Variants in TENM3 observed in about 807,000 individuals in gnomAD.
TENM3 encodes the protein teneurin-3.
A neutral mutation model predicts 255.1 loss-of-function variants in TENM3; 63 were observed. The observed-to-expected ratio is 0.25, with a 90% confidence interval of 0.20 to 0.30. TENM3 has a LOEUF of 0.30. Among genes scored for constraint, TENM3 ranks in the 10% least tolerant of loss-of-function variants. TENM3 has a pLI of 1.00. For missense variants in TENM3, 2,929 were observed against 3,461.1 expected (o/e 0.85, Z 3.86); for synonymous variants, 1,306 against 1,322.3 (o/e 0.99, Z 0.27).
chr4:181,870,099 G>A, the TENM3 span, among the ~76,000 whole-genome samples: 3 of 151,996 alleles, frequency 2.0e-5, no homozygotes, highest in African/African-American at 7.2e-5. Flanking sequence ...TCTGCTTCTG[G>A]CTTCTTTCAT....
chr4:182,478,371 C>T (rs535463863), intron 3 of TENM3, among the ~76,000 whole-genome samples: 8 of 151,570 alleles, frequency 5.3e-5, no homozygotes, highest in African/African-American at 1.5e-4. Context: ...GGTTGATGTA[C>T]GGTACTTTGC....
At chr4:181,957,792 G>C in the TENM3 span, among the ~76,000 whole-genome samples, 1 of 152,116 alleles carries the variant, frequency 6.6e-6, no homozygotes, top group African/African-American at 2.4e-5. Flanking sequence ...AAAAATTTGG[G>C]TTTTGATAGA....
intron 1 of TENM3, among the ~76,000 whole-genome samples, chr4:182,313,498 A>G (rs1762569353): frequency 1.3e-5 from 2 of 151,620 alleles, no homozygotes; most frequent in African/African-American, 4.8e-5. Context: ...ATCCATTTTA[A>G]ATATATATAT....
the TENM3 span, among the ~76,000 whole-genome samples, chr4:181,758,509 G>C: frequency 3.9e-5 from 6 of 152,162 alleles, no homozygotes; most frequent in Non-Finnish European, 7.4e-5. Context: ...TTGCATAGAA[G>C]AATTGGAAGG....
intron 3 of TENM3, among the ~76,000 whole-genome samples, chr4:182,414,881 A>G (rs1359206998): frequency 6.6e-6 from 1 of 152,240 alleles, no homozygotes; most frequent in African/African-American, 2.4e-5. Context: ...AAAAAGGTAC[A>G]AAGTAGATAT....
chr4:182,787,713 C>G (rs1285907886), intron 24 of TENM3, among the ~76,000 whole-genome samples: 1 of 122,292 alleles, frequency 8.2e-6, no homozygotes, highest in African/African-American at 3.2e-5. Flanking sequence ...CCAGCCTGGG[C>G]GACAAGGGCA....
At chr4:182,267,685 C>T (rs1363950657) in intron 1 of TENM3, among the ~76,000 whole-genome samples, 1 of 149,300 alleles carries the variant, frequency 6.7e-6, no homozygotes, top group Non-Finnish European at 1.5e-5. Context: ...GAAATTCCTT[C>T]TGTGGAACAA....
chr4:181,949,886 C>T, the TENM3 span, among the ~76,000 whole-genome samples: 1 of 152,236 alleles, frequency 6.6e-6, no homozygotes, highest in East Asian at 1.9e-4. Flanking sequence ...TGTTGTTCCT[C>T]TCCCTCAAAT....
At chr4:182,544,720 T>C (rs146318994) in intron 3 of TENM3, among the ~76,000 whole-genome samples, 2,850 of 152,276 alleles carry the variant, frequency 0.019, 71 homozygotes, top group East Asian at 0.044. Flanking sequence ...CAGGAATTAA[T>C]GGAAAGAAGG....
chr4:182,792,890 C>T lies in TENM3; in HGVS notation c.6218C>T (p.Ala2073Val). Residue 2073 changes from alanine (A) to valine (V), a missense_variant, in exon 26 of 28, where the codon GCT (alanine) becomes GTT (valine). Physicochemically the swap from Ala to Val is moderately conservative, Grantham distance 64 (BLOSUM62 0). This residue lies in a region of TENM3 where 256 missense variants were observed against 389.3 expected (regional missense o/e 0.66). Transcript: ENST00000511685. The surrounding 1 kb of genome is among the most constrained non-coding windows in gnomAD (Gnocchi z 6.3). ...YYDINQIISTAVMTYTKHFDA... is the reference protein window; with the variant it reads ...YYDINQIISTVVMTYTKHFDA... ...GATATTAACCAGATCATTTCTACAG[C>T]TGTAATGACCTATACGAAGCACTTT... 3 of 1,613,822 alleles carry T rather than the reference C, an allele frequency of 1.9e-6. No homozygotes were observed. Among genetic ancestry groups the T allele is most frequent in the Non-Finnish European group, 2.5e-6 (3 of 1,179,796 alleles).
chr4:182,608,862 C>T (rs1378428288), intron 4 of TENM3, among the ~76,000 whole-genome samples: 1 of 152,192 alleles, frequency 6.6e-6, no homozygotes, highest in Non-Finnish European at 1.5e-5. Context: ...ATGAAAGGAG[C>T]TCGCCCGCCA....
chr4:182,142,157 G>T (rs1474960343), upstream of TENM3: 1 of 151,968 alleles, frequency 6.6e-6, no homozygotes, highest in Non-Finnish European at 1.5e-5. Flanking sequence ...GGCTAAATGA[G>T]TGAGGGATAT....
rs754303231 is a variant in TENM3, at chr4:182,793,011, C to A, written c.6339C>A (p.Thr2113=). 3.7e-6 allele frequency: 6 copies of A among 1,613,766 alleles called. No homozygotes were observed. Among genetic ancestry groups the A allele is most frequent in the Non-Finnish European group, 5.1e-6 (6 of 1,179,832 alleles). ...TIQYDNMGRV[T]KREIKIGPFA... is the part of the protein sequence containing the mutation. ...AGTATGATAACATGGGTCGGGTAACCAAGAGAGAGATTAAAATAGGGCCCT... is the reference window on the plus strand; with the variant it reads ...AGTATGATAACATGGGTCGGGTAACAAAGAGAGAGATTAAAATAGGGCCCT... Residue 2113 remains threonine, a synonymous_variant, in exon 26 of 28, where the codon ACC becomes ACA. Coordinates refer to ENST00000511685, the MANE Select transcript of TENM3 (RefSeq NM_001080477.4). This position sits in a 1 kb window ranked among gnomAD's most constrained non-coding sequence, Gnocchi z 5.7.
chr4:182,361,742 T>G (rs2150783096), intron 3 of TENM3, among the ~76,000 whole-genome samples: 1 of 152,266 alleles, frequency 6.6e-6, no homozygotes, highest in South Asian at 2.1e-4. Flanking sequence ...CCGTCCAGCT[T>G]TGTTCCATTG....
At chr4:181,497,340 A>G in the TENM3 span, among the ~76,000 whole-genome samples, 4 of 152,154 alleles carry the variant, frequency 2.6e-5, no homozygotes, top group Admixed American at 6.6e-5. Flanking sequence ...GCTTTGAAAG[A>G]CTGTCTACTA....
At chr4:181,752,813 G>A in the TENM3 span, among the ~76,000 whole-genome samples, 1 of 151,484 alleles carries the variant, frequency 6.6e-6, no homozygotes, top group African/African-American at 2.4e-5. Context: ...TAAAATCATG[G>A]CATATCATGT....
chr4:182,066,429 T>A, the TENM3 span, among the ~76,000 whole-genome samples: 1 of 152,174 alleles, frequency 6.6e-6, no homozygotes, highest in East Asian at 1.9e-4. Flanking sequence ...ATAAGGAGAT[T>A]TGGACAATGG....
chr4:182,426,007 C>CAAAAAAAAAAAAAAA (rs55836889), intron 3 of TENM3, among the ~76,000 whole-genome samples: 5 of 90,760 alleles, frequency 5.5e-5, no homozygotes, highest in African/African-American at 1.3e-4. Context: ...GAGTCCATGT[C>CAAAAAAAAAAAAAAA]AAAAAAAAAA....
the TENM3 span, among the ~76,000 whole-genome samples, chr4:181,699,555 G>A: frequency 1.9e-3 from 288 of 150,816 alleles, 2 homozygotes; most frequent in African/African-American, 6.6e-3. Flanking sequence ...ATTAACTGAG[G>A]AGTTTTTCAC....
Sources: gnomAD v4.1 joint callset for allele counts (sites outside exome capture counted in the v4.1 genomes callset) on GRCh38, gnomAD v4.1.1 for gene constraint, gnomAD v4.1.1 regional missense constraint, Gnocchi (gnomAD v3.1) non-coding constraint, MANE v1.5 for transcripts, NCBI Gene and HGNC (gene_info 2026-07-23, HGNC 2026-07-21) for gene names.